NRG3: variants seen among roughly 807,000 people sequenced by gnomAD.
NRG3 encodes neuregulin 3.
A neutral mutation model predicts 66.9 loss-of-function variants in NRG3; 31 were observed. The ratio of observed to expected loss-of-function variants is 0.46; its 90% confidence interval spans 0.35 to 0.63. The LOEUF is 0.63. Among genes scored for constraint, NRG3 ranks in the 20% least tolerant of loss-of-function variants. The pLI is 0.00. For synonymous variants in NRG3, 393 were observed against 359.4 expected, an observed-to-expected ratio of 1.09 and a Z score of -1.06; for missense variants, 910 against 878.9, an observed-to-expected ratio of 1.04 and a Z score of -0.45.
intron 2 of NRG3, among the ~76,000 whole-genome samples, chr10:82,402,443 TG>T (rs2136066448): frequency 6.6e-6 from 1 of 152,288 alleles, no homozygotes; most frequent in East Asian, 1.9e-4. Flanking sequence ...TGTTTTTATT[TG>T]GTGTTTGTTT....
chr10:82,495,811 G>GACACACACACACACACACACACAC lies in NRG3; in HGVS notation c.953+136951_953+136974dup, dbSNP rs55671097. ...GTATGTTCCAATGTTTTAGAGTGCAGACACACACACACACACACACACACA... is the reference window on the plus strand; with the variant it reads ...GTATGTTCCAATGTTTTAGAGTGCAGACACACACACACACACACACACACACACACACACACACACACACACACA... On this transcript the variant is annotated intron_variant, in intron 2 of 8. Coordinates refer to ENST00000372141, the MANE Select transcript of NRG3 (RefSeq NM_001010848.4). 3.6e-4 allele frequency among the ~76,000 whole-genome samples: 52 copies of GACACACACACACACACACACACAC among 144,892 alleles called. 1 individual carries two copies. The highest frequency in any genetic ancestry group is 6.9e-5 in the Admixed American group (1 of 14,432).
intron 2 of NRG3, among the ~76,000 whole-genome samples, chr10:82,550,022 T>C (rs1344025785): frequency 6.6e-6 from 1 of 152,054 alleles, no homozygotes. Flanking sequence ...AAACATATTT[T>C]CCCTCATCTA....
chr10:82,548,780 C>T (rs1196313293), intron 2 of NRG3, among the ~76,000 whole-genome samples: 4 of 151,840 alleles, frequency 2.6e-5, no homozygotes, highest in African/African-American at 7.3e-5. Context: ...TTAATTAAAA[C>T]AAAAAGCATC....
At chr10:81,990,227 A>G (rs1418537091) in intron 1 of NRG3, among the ~76,000 whole-genome samples, 3 of 152,142 alleles carry the variant, frequency 2.0e-5, no homozygotes, top group African/African-American at 7.2e-5. Context: ...TATTCTACAA[A>G]TTTATTACTG....
rs1369739026 is a variant in NRG3 at position 82,958,999 on chromosome 10, A to G, written c.1208A>G (p.Lys403Arg). ...QEQLKVPQNG[K>R]SYSLKASSTM... ...CAGCTGAAAGTGCCACAAAATGGTA[A>G]AAGCTACAGTCTCAAAGCATCCAGC... Residue 403 changes from lysine to arginine, a missense_variant, in exon 6 of 9, where the codon AAA (lysine) becomes AGA (arginine). By Grantham distance (26) the Lys-to-Arg change is conservative. Transcript: ENST00000372141. The G allele has an allele frequency of 6.2e-7, 1 of 1,607,630 alleles. No homozygotes were observed. Among genetic ancestry groups the G allele is most frequent in the Admixed American group, 1.7e-5 (1 of 58,022 alleles).
chr10:82,392,890 A>ATTT (rs1469656033), intron 2 of NRG3, among the ~76,000 whole-genome samples: 17 of 113,006 alleles, frequency 1.5e-4, no homozygotes, highest in East Asian at 6.7e-4. Context: ...ATATATATAT[A>ATTT]TATATATATT....
intron 2 of NRG3, among the ~76,000 whole-genome samples, chr10:82,498,095 T>G: frequency 6.6e-6 from 1 of 152,122 alleles, no homozygotes; most frequent in East Asian, 1.9e-4. Flanking sequence ...ATTTGGTTTT[T>G]TTTTTTCTAA....
intron 2 of NRG3, among the ~76,000 whole-genome samples, chr10:82,427,957 T>C (rs1418221333): frequency 6.6e-6 from 1 of 152,018 alleles, no homozygotes; most frequent in African/African-American, 2.4e-5. Context: ...TTTTAAGAAT[T>C]TGTCCATTTC....
chr10:82,720,559 C>G (rs180827214), intron 2 of NRG3, among the ~76,000 whole-genome samples: 3 of 151,768 alleles, frequency 2.0e-5, no homozygotes, highest in African/African-American at 7.3e-5. Flanking sequence ...CCTAGAACAC[C>G]GAGGTTGATT....
Position 81,875,798 on chromosome 10 carries a change from G to C in NRG3, c.458G>C (p.Arg153Pro). The C allele has an allele frequency of 6.2e-7, 1 of 1,610,234 alleles. No homozygotes were observed. ...GGAASSRTPN[R>P]ISTRLTTITR... ...GCCGCCTCCTCCAGGACGCCCAACC[G>C]GATTAGCACTCGCCTGACCACCATC... Residue 153 changes from arginine (R) to proline (P), a missense_variant, in exon 1 of 9, where the codon CGG (arginine) becomes CCG (proline). Arg to Pro is a moderately radical substitution (Grantham distance 103). Transcript: ENST00000372141. This position sits in a 1 kb window ranked among gnomAD's most constrained non-coding sequence, Gnocchi z 5.3.
chr10:82,584,639 A>G (rs2046557293), intron 2 of NRG3, among the ~76,000 whole-genome samples: 2 of 152,168 alleles, frequency 1.3e-5, no homozygotes, highest in African/African-American at 4.8e-5. Flanking sequence ...TAGGGCATCA[A>G]TGTTAGTTCA....
intron 3 of NRG3, among the ~76,000 whole-genome samples, chr10:82,821,883 T>G (rs1038338048): frequency 3.9e-5 from 6 of 152,190 alleles, no homozygotes; most frequent in African/African-American, 1.2e-4. Flanking sequence ...CTTTTTGATC[T>G]AAACAATTAC....
In NRG3 at chr10:82,806,684, A is replaced by T. The variant is rs2061298359; in HGVS notation, c.1028-58727A>T. The stretch of plus-strand genomic sequence containing the variant: ...GTATATAAATCCGGAGTGGCTAATC[A>T]GGAGGGAAAAAGAGAATAATTTAGG... On this transcript the variant is annotated intron_variant, in intron 3 of 8. Transcript: ENST00000372141. 2.6e-5 allele frequency among the ~76,000 whole-genome samples: 4 copies of T among 152,304 alleles called. No homozygotes were observed. The South Asian group carries it at 8.3e-4, about 32-fold the overall frequency.
chr10:82,044,787 A>C (rs562205175), intron 1 of NRG3, among the ~76,000 whole-genome samples: 3 of 151,542 alleles, frequency 2.0e-5, no homozygotes, highest in African/African-American at 7.3e-5. Flanking sequence ...TCATTGTTCA[A>C]CTCCCACCTA....
intron 2 of NRG3, among the ~76,000 whole-genome samples, chr10:82,718,958 C>A (rs2057134899): frequency 6.6e-6 from 1 of 152,136 alleles, no homozygotes; most frequent in Admixed American, 6.6e-5. Flanking sequence ...ATGTAGCTTT[C>A]TTTATTTAAA....
intron 2 of NRG3, among the ~76,000 whole-genome samples, chr10:82,528,344 G>A (rs539496968): frequency 6.6e-6 from 1 of 152,120 alleles, no homozygotes; most frequent in South Asian, 2.1e-4. Flanking sequence ...TTGATCAGAT[G>A]AATGACAACA....
intron 3 of NRG3, among the ~76,000 whole-genome samples, chr10:82,858,423 T>G (rs2063927359): frequency 6.6e-6 from 1 of 152,154 alleles, no homozygotes; most frequent in Non-Finnish European, 1.5e-5. Context: ...CATACTCTTA[T>G]CTCGGAGCAA....
intron 2 of NRG3, among the ~76,000 whole-genome samples, chr10:82,404,743 A>G (rs2087371974): frequency 6.6e-6 from 1 of 152,184 alleles, no homozygotes; most frequent in Non-Finnish European, 1.5e-5. Flanking sequence ...TATTACAGTT[A>G]ATCTTATGGG....
At chr10:82,677,658 C>T (rs1348768809) in intron 2 of NRG3, among the ~76,000 whole-genome samples, 3 of 152,050 alleles carry the variant, frequency 2.0e-5, no homozygotes, top group Non-Finnish European at 4.4e-5. Flanking sequence ...GCAATACTAC[C>T]TCAATTCTTG....
Sources: gnomAD v4.1 joint callset for allele counts (sites outside exome capture counted in the v4.1 genomes callset) on GRCh38, gnomAD v4.1.1 for gene constraint, Gnocchi (gnomAD v3.1) non-coding constraint, MANE v1.5 for transcripts, NCBI Gene and HGNC (gene_info 2026-07-23, HGNC 2026-07-21) for gene names.